GRM8: variants seen among roughly 807,000 people sequenced by gnomAD.
The protein encoded by GRM8 is metabotropic glutamate receptor 8.
In GRM8, 47 loss-of-function variants were observed where a neutral mutation model predicts 87.2. That is an observed-to-expected ratio of 0.54 (90% CI 0.43 to 0.69). GRM8 has a LOEUF of 0.69. GRM8 is among the 30% of genes least tolerant of loss of function. The probability of loss-of-function intolerance (pLI) is 0.00; values close to 1 mark genes in which losing one functional copy is unlikely to be tolerated. For missense variants in GRM8, 1,019 were observed against 1,139.2 expected, an observed-to-expected ratio of 0.89 and a Z score of 1.52; for synonymous variants, 396 against 404.5, an observed-to-expected ratio of 0.98 and a Z score of 0.25.
At chr7:126,442,106 G>A (rs544847287) in intron 10 of GRM8, among the ~76,000 whole-genome samples, 12 of 151,998 alleles carry the variant, frequency 7.9e-5, no homozygotes, top group East Asian at 1.9e-4. Context: ...AGAATAGATC[G>A]GGATGGAACA....
intron 8 of GRM8, among the ~76,000 whole-genome samples, chr7:126,601,124 T>A (rs1797710103): frequency 7.2e-6 from 1 of 138,132 alleles, no homozygotes; most frequent in African/African-American, 2.8e-5. Flanking sequence ...ATATTCCCCT[T>A]CCTGTGTCCA....
chr7:126,625,552 T>G (rs143607152), intron 7 of GRM8, among the ~76,000 whole-genome samples: 1,847 of 152,296 alleles, frequency 0.012, 36 homozygotes, highest in African/African-American at 0.042. Context: ...GGAAATGTCT[T>G]CATGATCCTT....
At chr7:126,756,421 G>A (rs1817013419) in intron 7 of GRM8, among the ~76,000 whole-genome samples, 1 of 151,934 alleles carries the variant, frequency 6.6e-6, no homozygotes. Context: ...TGATAAGCTG[G>A]GCTTCATTAA....
intron 3 of GRM8, among the ~76,000 whole-genome samples, chr7:127,001,730 C>T (rs1172163061): frequency 6.6e-6 from 1 of 151,428 alleles, no homozygotes; most frequent in Non-Finnish European, 1.5e-5. Flanking sequence ...CCAACCCTGC[C>T]ACAATAACCA....
intron 7 of GRM8, among the ~76,000 whole-genome samples, chr7:126,691,235 T>C (rs1208446764): frequency 1.3e-5 from 2 of 152,202 alleles, no homozygotes; most frequent in Non-Finnish European, 2.9e-5. Flanking sequence ...GGCAGGGGGC[T>C]GGTGTGTTAG....
At chr7:126,884,805 T>G (rs1198272480) in intron 6 of GRM8, among the ~76,000 whole-genome samples, 1 of 152,146 alleles carries the variant, frequency 6.6e-6, no homozygotes, top group Non-Finnish European at 1.5e-5. Context: ...GAGATAAATA[T>G]GCATCAAACA....
At chr7:126,517,644 ATAT>A (rs145947166) in intron 9 of GRM8, among the ~76,000 whole-genome samples, 2,775 of 152,196 alleles carry the variant, frequency 0.018, 78 homozygotes, top group African/African-American at 0.063. Flanking sequence ...ATTATATAAA[ATAT>A]TATGTGTGTT....
chr7:127,124,658 T>A (rs1388054252), intron 2 of GRM8, among the ~76,000 whole-genome samples: 1 of 152,134 alleles, frequency 6.6e-6, no homozygotes, highest in Non-Finnish European at 1.5e-5. Flanking sequence ...GCAAACCTAC[T>A]ACCAATTGGA....
At chr7:126,771,629 T>C (rs1329653611) in intron 6 of GRM8, among the ~76,000 whole-genome samples, 1 of 152,136 alleles carries the variant, frequency 6.6e-6, no homozygotes, top group South Asian at 2.1e-4. Flanking sequence ...GTTTACTTCA[T>C]TTTGGAAGTT....
chr7:126,580,373 G>T (rs1449480241), intron 8 of GRM8, among the ~76,000 whole-genome samples: 3 of 151,946 alleles, frequency 2.0e-5, no homozygotes, highest in African/African-American at 7.3e-5. Flanking sequence ...TCTACCCCTG[G>T]TATTTCCTAT....
At chr7:127,163,126 T>C (rs554970397) in intron 2 of GRM8, among the ~76,000 whole-genome samples, 1 of 152,228 alleles carries the variant, frequency 6.6e-6, no homozygotes, top group Admixed American at 6.5e-5. Context: ...AAGAGATATC[T>C]GAGACTGGGT....
chr7:126,491,521 A>C (rs1049515792), intron 9 of GRM8, among the ~76,000 whole-genome samples: 1 of 152,080 alleles, frequency 6.6e-6, no homozygotes, highest in African/African-American at 2.4e-5. Context: ...ATAAGTATGC[A>C]AATGTAAATG....
Position 126,926,446 on chromosome 7 carries a change from C to T in GRM8, c.728-21763G>A, listed in dbSNP as rs140859004. The stretch of plus-strand genomic sequence containing the variant: ...CCAGCCATCATTATCTTTCTCCTCA[C>T]TGCCATGGCCTTAGTTCAAGCCCTC... On this transcript the variant is annotated intron_variant, in intron 3 of 10. Transcript: ENST00000339582. 9.4e-3 allele frequency among the ~76,000 whole-genome samples: 1,439 copies of T among 152,294 alleles called. 5 individuals are homozygous for T. The highest frequency in any genetic ancestry group is 0.014 in the Non-Finnish European group (980 of 68,016).
intron 6 of GRM8, among the ~76,000 whole-genome samples, chr7:126,881,990 A>C (rs2021361): frequency 1 from 152,160 of 152,160 alleles, 76,080 homozygotes; most frequent in Non-Finnish European, 1. Flanking sequence ...TGACCTCTAA[A>C]CTCCATCCCC....
chr7:127,031,188 G>T (rs1380493366), intron 3 of GRM8, among the ~76,000 whole-genome samples: 1 of 151,974 alleles, frequency 6.6e-6, no homozygotes, highest in Non-Finnish European at 1.5e-5. Flanking sequence ...ATCCTGTATT[G>T]GTTCAAGTCA....
chr7:126,706,323 T>C (rs776861108), intron 7 of GRM8, among the ~76,000 whole-genome samples: 17 of 151,848 alleles, frequency 1.1e-4, no homozygotes, highest in Admixed American at 2.0e-4. Flanking sequence ...ACAGGGTGAG[T>C]TGGCCAGCTG....
intron 3 of GRM8, among the ~76,000 whole-genome samples, chr7:126,949,548 C>T (rs909164691): frequency 6.6e-6 from 1 of 152,194 alleles, no homozygotes; most frequent in Non-Finnish European, 1.5e-5. Flanking sequence ...GTATGCCTAT[C>T]TCTGTCCTCG....
At chr7:126,812,348 G>A (rs77433464) in intron 6 of GRM8, among the ~76,000 whole-genome samples, 4 of 151,818 alleles carry the variant, frequency 2.6e-5, no homozygotes, top group Non-Finnish European at 5.9e-5. Context: ...AAACCTAGGT[G>A]GTATAGCTTA....
intron 9 of GRM8, among the ~76,000 whole-genome samples, chr7:126,489,424 A>T (rs1287956759): frequency 1.3e-5 from 2 of 152,086 alleles, no homozygotes; most frequent in Non-Finnish European, 2.9e-5. Context: ...GGTATGCAGT[A>T]CTTGTCATAG....
Sources: gnomAD v4.1 joint callset for allele counts (sites outside exome capture counted in the v4.1 genomes callset) on GRCh38, gnomAD v4.1.1 for gene constraint, MANE v1.5 for transcripts, NCBI Gene and HGNC (gene_info 2026-07-23, HGNC 2026-07-21) for gene names.